The following SIGLEC7 variants were observed in gnomAD, a reference collection of about 807,000 sequenced individuals.
SIGLEC7 encodes the protein sialic acid binding Ig like lectin 7.
In SIGLEC7, 33 loss-of-function variants were observed where a neutral mutation model predicts 40.8. The observed-to-expected ratio is 0.81, with a 90% confidence interval of 0.61 to 1.08. SIGLEC7 has a LOEUF of 1.08. SIGLEC7 is among the 50% of genes least tolerant of loss of function. The pLI is 0.00. For missense variants in SIGLEC7, 513 were observed against 576.1 expected (o/e 0.89, Z 1.12); for synonymous variants, 242 against 237.6 (o/e 1.02, Z -0.17).
At chr19:51,143,235 T>C (rs1300481894) in intron 1 of SIGLEC7, among the ~76,000 whole-genome samples, 3 of 152,030 alleles carry the variant, frequency 2.0e-5, no homozygotes, top group Non-Finnish European at 4.4e-5. Flanking sequence ...GTTGAGAGCC[T>C]TAGGTCTACA....
intron 1 of SIGLEC7, 154 bp from the exon 2 acceptor site, chr19:51,144,252 G>T: frequency 8.7e-7 from 1 of 1,152,298 alleles, no homozygotes; most frequent in Admixed American, 2.3e-5. Flanking sequence ...CATGGGGGTG[G>T]CAGCGAAAGC....
chr19:51,150,247 G>T (rs2092135255), intron 6 of SIGLEC7, among the ~76,000 whole-genome samples: 1 of 152,180 alleles, frequency 6.6e-6, no homozygotes, highest in African/African-American at 2.4e-5. Context: ...AATGCTTTCA[G>T]CTTTTCCATA....
intron 6 of SIGLEC7, among the ~76,000 whole-genome samples, chr19:51,152,254 C>T (rs1187460918): frequency 2.0e-5 from 3 of 152,174 alleles, no homozygotes; most frequent in Non-Finnish European, 2.9e-5. Flanking sequence ...AAGCCCTCCT[C>T]CTTTCACTTG....
rs886720369 is a variant in SIGLEC7, at chr19:51,142,301, G to A, written c.-69G>A. The A allele has an allele frequency of 2.4e-5, 38 of 1,562,568 alleles. No individual in the cohort carries two copies. The highest frequency in any genetic ancestry group is 2.9e-5 in the Non-Finnish European group (34 of 1,154,304). On this transcript the variant is annotated 5_prime_UTR_variant, in exon 1 of 7. Coordinates refer to ENST00000317643, the MANE Select transcript of SIGLEC7 (RefSeq NM_014385.4). The surrounding 1 kb of genome is among the most constrained non-coding windows in gnomAD (Gnocchi z 5.0). ...AGGGCCTCTTCTAAGTCTTGAGCCC[G>A]CAGTTCCTGAGAGAAGAACCCTGAG...
rs2122881631 is a variant in SIGLEC7, at chr19:51,142,564, G to C, written c.195G>C (p.Trp65Cys). ...ACTCTGACCCAGTTCATGGCTACTG[G>C]TTCCGGGCAGGGAATGATATAAGCT... ...QTDSDPVHGY[W>C]FRAGNDISWK... Residue 65 changes from tryptophan to cysteine, a missense_variant, in exon 1 of 7, where the codon TGG (tryptophan) becomes TGC (cysteine). Coordinates refer to ENST00000317643, the MANE Select transcript of SIGLEC7 (RefSeq NM_014385.4). This position sits in a 1 kb window ranked among gnomAD's most constrained non-coding sequence, Gnocchi z 5.0. The C allele has an allele frequency of 1.2e-6, 2 of 1,614,170 alleles. No individual in the cohort carries two copies. Among genetic ancestry groups the C allele is most frequent in the South Asian group, 2.2e-5 (2 of 91,090 alleles).
intron 4 of SIGLEC7, among the ~76,000 whole-genome samples, 194 bp from the exon 5 acceptor site, chr19:51,146,560 C>T (rs1032851730): frequency 6.6e-6 from 1 of 152,162 alleles, no homozygotes; most frequent in Non-Finnish European, 1.5e-5. Context: ...ATTTCAAATA[C>T]AGGCAGGCTG....
intron 5 of SIGLEC7, 22 bp from the exon 6 acceptor site, chr19:51,147,199 G>A (rs750614935): frequency 1.2e-6 from 2 of 1,611,270 alleles, no homozygotes; most frequent in South Asian, 1.1e-5. Flanking sequence ...ACACTGAAAG[G>A]CTCTCTGGTC....
intron 1 of SIGLEC7, chr19:51,143,986 TATACAATGGAATA>T (rs2092088541): frequency 6.1e-6 from 3 of 494,906 alleles, no homozygotes; most frequent in South Asian, 4.7e-5. Context: ...AAGGGATCAA[TATACAATGGAATA>T]ATCCAGTGGC....
At chr19:51,151,287 G>A (rs2092141664) in intron 6 of SIGLEC7, among the ~76,000 whole-genome samples, 1 of 152,240 alleles carries the variant, frequency 6.6e-6, no homozygotes, top group African/African-American at 2.4e-5. Context: ...TGAGCAGTGG[G>A]AAGAATGGAG....
At chr19:51,151,031 C>T (rs1362919201) in intron 6 of SIGLEC7, among the ~76,000 whole-genome samples, 1 of 152,128 alleles carries the variant, frequency 6.6e-6, no homozygotes, top group Non-Finnish European at 1.5e-5. Flanking sequence ...TGGGATTCCT[C>T]TGGCCACTGT....
At position 51,145,057 on chromosome 19, in the gene SIGLEC7, A is replaced by C; in HGVS notation, c.760+98A>C. The C allele has an allele frequency of 8.2e-7, 1 of 1,224,296 alleles. No individual in the cohort carries two copies. Among genetic ancestry groups the C allele is most frequent in the Non-Finnish European group, 1.2e-6 (1 of 830,062 alleles). 75.8% of individuals were successfully genotyped at this position (1,224,296 alleles called of 1,614,324 possible). On this transcript the variant is annotated intron_variant, in intron 3 of 6. Coordinates refer to ENST00000317643, the MANE Select transcript of SIGLEC7 (RefSeq NM_014385.4). The surrounding 1 kb of genome is among the most constrained non-coding windows in gnomAD (Gnocchi z 4.3). ...ATCCTGGACTCACCCTGGTGATATG[A>C]GACTCCCTTGTAGTTGAACCCAGGC...
At chr19:51,146,879 G>T in intron 5 of SIGLEC7, 29 bp downstream of exon 5, 1 of 1,597,120 alleles carries the variant, frequency 6.3e-7, no homozygotes, top group South Asian at 1.1e-5. Flanking sequence ...GAGGGAGGGA[G>T]AGTCCTGGGG....
In SIGLEC7 at chr19:51,145,884, C is replaced by T. The variant is rs1026230431; in HGVS notation, c.790C>T (p.Leu264Phe). The change falls in exon 4 of 7, where the codon CTT (leucine) becomes TTT (phenylalanine). Residue 264 changes from leucine (L) to phenylalanine (F), a missense_variant. Leu to Phe is a conservative substitution (Grantham distance 22, BLOSUM62 0). Transcript: ENST00000317643. The surrounding 1 kb of genome is among the most constrained non-coding windows in gnomAD (Gnocchi z 4.3). ...ASTALGNSSS[L>F]SVLEGQSLRL... ...CACAGCTCTGGGGAACAGCTCATCTCTTTCAGTCCTAGAGGGCCAGTCTCT... is the reference window on the plus strand; with the variant it reads ...CACAGCTCTGGGGAACAGCTCATCTTTTTCAGTCCTAGAGGGCCAGTCTCT... The T allele has an allele frequency of 6.2e-7, 1 of 1,614,224 alleles. No individual in the cohort carries two copies. Among genetic ancestry groups the T allele is most frequent in the Non-Finnish European group, 8.5e-7 (1 of 1,180,036 alleles).
Position 51,144,959 on chromosome 19 carries a change from G to A in SIGLEC7, c.760G>A (p.Ala254Thr), listed in dbSNP as rs1210518831. The change falls in exon 3 of 7, where the codon GCA becomes ACA. Residue 254 changes from alanine (A) to threonine (T), a missense_variant and splice_region_variant. Physicochemically the swap from Ala to Thr is moderately conservative, Grantham distance 58 (BLOSUM62 0). Transcript: ENST00000317643. ...GACTGTCTTCCAAGGAGAAGGCACA[G>A]GTAGGATGGAGCCCCCTCCCTGGGG... Reference protein sequence around the residue: ...TVTVFQGEGTASTALGNSSSL... With the variant: ...TVTVFQGEGTTSTALGNSSSL... 12 of 1,613,966 alleles carry A rather than the reference G, an allele frequency of 7.4e-6. No individual in the cohort carries two copies. Among genetic ancestry groups the A allele is most frequent in the Non-Finnish European group, 1.0e-5 (12 of 1,179,956 alleles).
At chr19:51,144,727 G>C (rs771689479) in intron 2 of SIGLEC7, 43 bp downstream of exon 2, 1 of 1,600,014 alleles carries the variant, frequency 6.2e-7, no homozygotes, top group Non-Finnish European at 8.5e-7. Context: ...ATGAGGGGGG[G>C]ACGTCCCTGA....
At chr19:51,147,863 C>T (rs114611688) in intron 6 of SIGLEC7, among the ~76,000 whole-genome samples, 2,111 of 152,312 alleles carry the variant, frequency 0.014, 43 homozygotes, top group African/African-American at 0.048. Flanking sequence ...CTGGCCTACA[C>T]AGTCTCATTG....
rs760572163 is a variant in SIGLEC7 at position 51,142,812 on chromosome 19, G to A, written c.433+10G>A. 20 of 1,576,738 alleles carry A rather than the reference G, an allele frequency of 1.3e-5. No individual in the cohort carries two copies. Among genetic ancestry groups the A allele is most frequent in the Middle Eastern group, 3.4e-4 (2 of 5,876 alleles). On this transcript the variant is annotated intron_variant, in intron 1 of 6. Transcript: ENST00000317643. The surrounding 1 kb of genome is among the most constrained non-coding windows in gnomAD (Gnocchi z 5.0). ...TCTGTGAACGTGACAGGTAAGGCAC[G>A]GGCTCCAAGAGAGGCCAAAGGCAAA...
Position 51,153,079 on chromosome 19 carries a change from C to T in SIGLEC7, c.1238C>T (p.Ser413Phe), listed in dbSNP as rs1488093583. Residue 413 changes from serine to phenylalanine, a missense_variant, in exon 7 of 7, where the codon TCC becomes TTC. Physicochemically the swap from Ser to Phe is radical, Grantham distance 155. Transcript: ENST00000317643. ...TCCATTCAGGGTAACCTGACTGAGT[C>T]CTGGGCAGATGATAACCCCCGACAC... ...GSASQGNLTE[S>F]WADDNPRHHG... 2 of 1,591,654 alleles carry T rather than the reference C, an allele frequency of 1.3e-6. No homozygotes were observed. Among genetic ancestry groups the T allele is most frequent in the Non-Finnish European group, 1.7e-6 (2 of 1,169,168 alleles).
intron 1 of SIGLEC7, among the ~76,000 whole-genome samples, chr19:51,143,628 T>C (rs1191266950): frequency 6.6e-6 from 1 of 152,072 alleles, no homozygotes; most frequent in Non-Finnish European, 1.5e-5. Flanking sequence ...TCTTTCGTGC[T>C]GGGTTGAGGT....
Sources: gnomAD v4.1 joint callset for allele counts (sites outside exome capture counted in the v4.1 genomes callset) on GRCh38, gnomAD v4.1.1 for gene constraint, Gnocchi (gnomAD v3.1) non-coding constraint, MANE v1.5 for transcripts, NCBI Gene and HGNC (gene_info 2026-07-23, HGNC 2026-07-21) for gene names.